MITF: variants seen among roughly 807,000 people sequenced by gnomAD.
MITF encodes the protein microphthalmia-associated transcription factor.
A neutral mutation model predicts 60.5 loss-of-function variants in MITF; 17 were observed. That is an observed-to-expected ratio of 0.28 (90% CI 0.19 to 0.42). The LOEUF (loss-of-function observed/expected upper bound fraction) is 0.42, where lower values mean the gene tolerates loss of function less well. MITF is among the 10% of genes least tolerant of loss of function. The pLI is 1.00. For missense variants in MITF, 622 were observed against 683.5 expected (o/e 0.91, Z 1.00); for synonymous variants, 260 against 248.5 (o/e 1.05, Z -0.43).
chr3:69,788,736 A>C (rs1157697180), intron 1 of MITF, among the ~76,000 whole-genome samples: 1 of 152,192 alleles, frequency 6.6e-6, no homozygotes, highest in African/African-American at 2.4e-5. Context: ...TGTGGTATTG[A>C]CATAAAGACA....
At chr3:69,853,563 C>A (rs1299043006) in intron 1 of MITF, among the ~76,000 whole-genome samples, 3 of 151,952 alleles carry the variant, frequency 2.0e-5, no homozygotes, top group Non-Finnish European at 4.4e-5. Flanking sequence ...AAAAATAGAA[C>A]CCTCTGGAAG....
chr3:69,940,807 C>T (rs369358131), intron 4 of MITF, among the ~76,000 whole-genome samples: 1 of 152,192 alleles, frequency 6.6e-6, no homozygotes. Flanking sequence ...TTAGGGCAGG[C>T]AGTTTAGCAT....
intron 1 of MITF, among the ~76,000 whole-genome samples, chr3:69,809,535 A>G (rs147348646): frequency 6.6e-6 from 1 of 152,172 alleles, no homozygotes; most frequent in Non-Finnish European, 1.5e-5. Context: ...GCTGTTGCTC[A>G]TATTAAAGTA....
intron 1 of MITF, among the ~76,000 whole-genome samples, chr3:69,868,525 C>G (rs889769823): frequency 1.3e-5 from 2 of 152,124 alleles, no homozygotes; most frequent in African/African-American, 2.4e-5. Context: ...CATTTGAGCT[C>G]TTGAGGGGCC....
chr3:69,763,946 A>G (rs1269109167), intron 1 of MITF: 15 of 1,352,944 alleles, frequency 1.1e-5, no homozygotes, highest in Non-Finnish European at 1.4e-5. Flanking sequence ...CAAGAAGGTA[A>G]TACAGATGAT....
intron 2 of MITF, among the ~76,000 whole-genome samples, chr3:69,884,890 G>A (rs929112180): frequency 1.7e-4 from 26 of 152,184 alleles, no homozygotes; most frequent in African/African-American, 6.0e-4. Flanking sequence ...CCAACTATCT[G>A]AAACAAAATA....
intron 3 of MITF, chr3:69,938,505 G>T: frequency 6.9e-7 from 1 of 1,458,764 alleles, no homozygotes; most frequent in Non-Finnish European, 9.0e-7. Context: ...GGGGAAGAAA[G>T]AATGGAATAT....
At chr3:69,888,555 T>C (rs1449020977) in intron 2 of MITF, among the ~76,000 whole-genome samples, 1 of 151,990 alleles carries the variant, frequency 6.6e-6, no homozygotes, top group Non-Finnish European at 1.5e-5. Flanking sequence ...TAGACGTACA[T>C]TGACTTAGCA....
chr3:69,757,995 G>T (rs1346091902), intron 1 of MITF, among the ~76,000 whole-genome samples: 2 of 125,382 alleles, frequency 1.6e-5, no homozygotes, highest in Admixed American at 8.2e-5. Flanking sequence ...TTACCCTAGG[G>T]CATGTGTGTG....
chr3:69,953,069 G>A (rs2066296260), intron 7 of MITF, among the ~76,000 whole-genome samples: 1 of 152,022 alleles, frequency 6.6e-6, no homozygotes, highest in Non-Finnish European at 1.5e-5. Flanking sequence ...ACAACTTCTG[G>A]GTCCTGTGGG....
At chr3:69,926,665 G>GT (rs1241732122) in intron 2 of MITF, among the ~76,000 whole-genome samples, 1 of 152,202 alleles carries the variant, frequency 6.6e-6, no homozygotes, top group Non-Finnish European at 1.5e-5. Flanking sequence ...AGCTCCCATG[G>GT]TGGGGGGGAT....
chr3:69,786,433 T>C (rs1258827140), intron 1 of MITF, among the ~76,000 whole-genome samples: 1 of 152,162 alleles, frequency 6.6e-6, no homozygotes, highest in Non-Finnish European at 1.5e-5. Flanking sequence ...GTCTTCATAA[T>C]GTTCATATCA....
chr3:69,846,595 A>C (rs2063737176), intron 1 of MITF, among the ~76,000 whole-genome samples: 1 of 152,118 alleles, frequency 6.6e-6, no homozygotes, highest in Admixed American at 6.5e-5. Flanking sequence ...CAGGTAGATC[A>C]CCTGAGGTCA....
intron 2 of MITF, among the ~76,000 whole-genome samples, chr3:69,897,434 G>A (rs1162758433): frequency 6.6e-6 from 1 of 152,192 alleles, no homozygotes; most frequent in Non-Finnish European, 1.5e-5. Context: ...ACTGAACATA[G>A]TAGAGCTTAA....
chr3:69,948,330 T>C (rs1180224932), intron 5 of MITF, among the ~76,000 whole-genome samples: 1 of 152,038 alleles, frequency 6.6e-6, no homozygotes, highest in Non-Finnish European at 1.5e-5. Flanking sequence ...ACTCGCTGCT[T>C]TAAAACAGCC....
Position 69,968,090 on chromosome 3 carries a change from A to G in MITF, c.*2842A>G. The G allele has an allele frequency of 4.3e-6, 1 of 233,494 alleles. No individual in the cohort carries two copies. Among genetic ancestry groups the G allele is most frequent in the Non-Finnish European group, 8.5e-6 (1 of 117,928 alleles). The allele number at this position is 233,494 out of a possible 1,614,324, so 14.5% of individuals were successfully genotyped here. A position where few individuals can be genotyped will look rare whatever the true frequency, so the allele number is the denominator to read the frequency against. ...ATGAACTTATTAATATTTTTGAAAA[A>G]TGCACTGGGAAAAAGTTGATGTCAA... On this transcript the variant is annotated 3_prime_UTR_variant, in exon 10 of 10. Transcript: ENST00000352241.
chr3:69,842,523 A>G (rs1030696123), intron 1 of MITF, among the ~76,000 whole-genome samples: 12 of 152,304 alleles, frequency 7.9e-5, no homozygotes, highest in African/African-American at 2.6e-4. Flanking sequence ...AAATTATAGC[A>G]TCAGAAGTGA....
chr3:69,830,843 C>T (rs1030970753), intron 1 of MITF, among the ~76,000 whole-genome samples: 33 of 152,282 alleles, frequency 2.2e-4, no homozygotes, highest in Non-Finnish European at 4.0e-4. Context: ...TCATGTCTTA[C>T]GTTGCCATAA....
intron 1 of MITF, among the ~76,000 whole-genome samples, chr3:69,806,667 TTA>T (rs1221759326): frequency 2.6e-5 from 4 of 152,104 alleles, no homozygotes; most frequent in African/African-American, 9.7e-5. Context: ...TTGCAGCAAT[TTA>T]TGAGGATAAT....
Sources: allele counts gnomAD v4.1 joint callset (sites outside exome capture counted in the v4.1 genomes callset), GRCh38; gene constraint gnomAD v4.1.1; transcripts MANE v1.5; gene names NCBI Gene and HGNC (gene_info 2026-07-23, HGNC 2026-07-21).